FBXO21: variants seen among roughly 807,000 people sequenced by gnomAD.
FBXO21 encodes F-box only protein 21.
FBXO21 carries 32 observed loss-of-function variants against 76.6 expected under a neutral mutation model. The observed-to-expected ratio is 0.42, with a 90% confidence interval of 0.32 to 0.56. The LOEUF (loss-of-function observed/expected upper bound fraction) is 0.56. FBXO21 is among the 20% of genes least tolerant of loss of function. The pLI, the probability that FBXO21 is intolerant of heterozygous loss-of-function variation, is 0.16. For missense variants in FBXO21, 586 were observed against 797.3 expected (o/e 0.73, Z 3.19); for synonymous variants, 328 against 311.5 (o/e 1.05, Z -0.56).
intron 8 of FBXO21, 94 bp downstream of exon 8, chr12:117,166,804 C>T: frequency 9.4e-7 from 1 of 1,058,678 alleles, no homozygotes; most frequent in South Asian, 1.5e-5. Context: ...CTGCAAAGAT[C>T]TCAACGAAAA....
chr12:117,155,820 T>C lies in FBXO21; in HGVS notation c.1646A>G (p.Glu549Gly). Residue 549 changes from glutamate (E) to glycine (G), a missense_variant, in exon 11 of 12, where the codon GAG becomes GGG. Physicochemically the swap from Glu to Gly is moderately conservative, Grantham distance 98 (BLOSUM62 -2). Coordinates refer to ENST00000622495, the MANE Select transcript of FBXO21 (RefSeq NM_015002.3). ...HHQPFYNVLV[E>G]DGSCRYAAQE... ...GGCTGCGTATCGACAGGAGCCGTCC[T>C]CCACCAGCACGTTATAGAAAGGCTG... is the stretch of plus-strand genomic sequence containing the variant. 7 of 1,614,042 alleles carry C rather than the reference T, an allele frequency of 4.3e-6. No homozygotes were observed. Among genetic ancestry groups the C allele is most frequent in the Non-Finnish European group, 5.9e-6 (7 of 1,179,934 alleles).
intron 9 of FBXO21, among the ~76,000 whole-genome samples, chr12:117,162,046 G>A (rs1031457356): frequency 6.6e-6 from 1 of 152,242 alleles, no homozygotes; most frequent in Non-Finnish European, 1.5e-5. Flanking sequence ...TGGGGAGTGA[G>A]TGGGAGGCAG....
chr12:117,152,500 T>C (rs577228545), intron 11 of FBXO21, among the ~76,000 whole-genome samples: 2 of 149,960 alleles, frequency 1.3e-5, no homozygotes, highest in East Asian at 3.9e-4. Flanking sequence ...CCAGTCTGGA[T>C]TCTTCAAAAA....
At chr12:117,190,171 G>A (rs555763280) in intron 1 of FBXO21, 47 bp downstream of exon 1, 3 of 1,098,490 alleles carry the variant, frequency 2.7e-6, no homozygotes, top group Non-Finnish European at 3.4e-6. Context: ...GCCCCGGGGG[G>A]CGCGGGGCGG....
At chr12:117,173,250 C>T (rs569444294) in intron 6 of FBXO21, among the ~76,000 whole-genome samples, 41 of 152,098 alleles carry the variant, frequency 2.7e-4, no homozygotes, top group Non-Finnish European at 5.3e-4. Flanking sequence ...AGGCTGGTCT[C>T]GAACTCCTGA....
rs1355632212 is a variant in FBXO21, at chr12:117,143,755, A to G, written c.*2332T>C. 3 of 152,608 alleles carry G rather than the reference A, an allele frequency of 2.0e-5. No individual in the cohort carries two copies. Among genetic ancestry groups the G allele is most frequent in the African/African-American group, 7.2e-5 (3 of 41,444 alleles). 9.5% of individuals were successfully genotyped at this position (152,608 alleles called of 1,614,324 possible). On this transcript the variant is annotated 3_prime_UTR_variant, in exon 12 of 12. Coordinates refer to ENST00000622495, the MANE Select transcript of FBXO21 (RefSeq NM_015002.3). ...GTCATGGCTGGGCTTTCTGTCCTCA[A>G]ACGAAATTGGGCAGGCCATTTGCGT...
chr12:117,144,633 A>C lies in FBXO21; in HGVS notation c.*1454T>G, dbSNP rs1955748200. 6.6e-6 allele frequency: 1 copy of C among 152,206 alleles called. No individual in the cohort carries two copies. The highest frequency in any genetic ancestry group is 1.5e-5 in the Non-Finnish European group (1 of 68,044). 9.4% of individuals were successfully genotyped at this position (152,206 alleles called of 1,614,324 possible). The stretch of plus-strand genomic sequence containing the variant: ...AGGCCCCTAACGCCCCATTCACTAG[A>C]GCAACTGCATTATTTTAAATGTTGA... On this transcript the variant is annotated 3_prime_UTR_variant, in exon 12 of 12. Coordinates refer to ENST00000622495, the MANE Select transcript of FBXO21 (RefSeq NM_015002.3).
At chr12:117,153,975 T>G (rs1167884803) in intron 11 of FBXO21, among the ~76,000 whole-genome samples, 1 of 152,192 alleles carries the variant, frequency 6.6e-6, no homozygotes, top group Non-Finnish European at 1.5e-5. Flanking sequence ...AACCAAATAC[T>G]TAAGACCAAC....
intron 3 of FBXO21, among the ~76,000 whole-genome samples, chr12:117,181,254 G>A (rs1041042243): frequency 8.6e-5 from 13 of 151,888 alleles, no homozygotes; most frequent in African/African-American, 2.9e-4. Context: ...TGCAGTCTTT[G>A]TATCTGGAAG....
At chr12:117,174,379 A>C in intron 5 of FBXO21, 38 bp from the exon 6 acceptor site, 1 of 1,611,292 alleles carries the variant, frequency 6.2e-7, no homozygotes, top group Non-Finnish European at 8.5e-7. Context: ...CCAAGCACAA[A>C]AAAGGTTGTG....
Position 117,190,312 on chromosome 12 carries a change from C to T in FBXO21, c.145G>A (p.Ala49Thr). The change falls in exon 1 of 12, where the codon GCC becomes ACC. Residue 49 changes from alanine to threonine, a missense_variant. Ala to Thr is a moderately conservative substitution (Grantham distance 58, BLOSUM62 0). This residue lies in a region of FBXO21 where 152 missense variants were observed against 127.2 expected (regional missense o/e 1.19). Coordinates refer to ENST00000622495, the MANE Select transcript of FBXO21 (RefSeq NM_015002.3). ...CTGGAGACACGGCCGATGTCGGCGG[C>T]CGTCAGCGAGCCGCAGCACAGGATG... ...EYILCCGSLT[A>T]ADIGRVSSTC... The T allele has an allele frequency of 1.2e-5, 18 of 1,531,092 alleles. No homozygotes were observed. The highest frequency in any genetic ancestry group is 1.5e-5 in the Non-Finnish European group (17 of 1,150,072). 94.8% of individuals were successfully genotyped at this position (1,531,092 alleles called of 1,614,324 possible). A position where few individuals can be genotyped will look rare whatever the true frequency, so the allele number is the denominator to read the frequency against.
chr12:117,167,579 C>A (rs1322229021), intron 7 of FBXO21, among the ~76,000 whole-genome samples: 2 of 123,422 alleles, frequency 1.6e-5, no homozygotes, highest in Non-Finnish European at 3.7e-5. Flanking sequence ...GAAACCCGGT[C>A]TCTACAAAAA....
chr12:117,172,653 T>G lies in FBXO21; in HGVS notation c.877-46A>C, dbSNP rs75054040. ...TTATTTCACTGGGATGAACTATACG[T>G]TCTCATTCTTTCAATAAACATTCTC... On this transcript the variant is annotated intron_variant, in intron 6 of 11. Transcript: ENST00000622495. The G allele has an allele frequency of 4.7e-3, 7,414 of 1,577,872 alleles. 292 individuals carry two copies. The African/African-American group carries it at 0.083, about 18-fold the overall frequency.
intron 7 of FBXO21, 148 bp downstream of exon 7, chr12:117,172,323 A>T: frequency 1.3e-6 from 1 of 771,320 alleles, no homozygotes; most frequent in Non-Finnish European, 2.1e-6. Context: ...ACACTGATAC[A>T]GCCAGGAAAC....
Position 117,173,860 on chromosome 12 carries a change from T to C in FBXO21, c.876+345A>G, listed in dbSNP as rs773470247. Among the ~76,000 whole-genome samples the C allele has an allele frequency of 1.3e-4, 20 of 152,006 alleles. No homozygotes were observed. The East Asian group carries it at 2.7e-3, about 21-fold the overall frequency. On this transcript the variant is annotated intron_variant, in intron 6 of 11. Coordinates refer to ENST00000622495, the MANE Select transcript of FBXO21 (RefSeq NM_015002.3). ...AGAGAGAAGCTTAAAAAAATACATA[T>C]AGGATGGGCACAGTGGCTCACACCT...
intron 10 of FBXO21, among the ~76,000 whole-genome samples, chr12:117,157,097 C>T (rs751708489): frequency 8.6e-5 from 13 of 151,352 alleles, no homozygotes; most frequent in Non-Finnish European, 1.8e-4. Flanking sequence ...GCATGAGAGT[C>T]GCTTGAACTG....
intron 4 of FBXO21, among the ~76,000 whole-genome samples, 193 bp downstream of exon 4, chr12:117,177,327 T>C (rs1399091903): frequency 1.3e-5 from 2 of 152,234 alleles, no homozygotes; most frequent in Non-Finnish European, 2.9e-5. Context: ...TTTGATAAAA[T>C]CTTAGCTCTA....
At chr12:117,164,099 A>T (rs1266021331) in intron 9 of FBXO21, among the ~76,000 whole-genome samples, 1 of 33,744 alleles carries the variant, frequency 3.0e-5, no homozygotes, top group South Asian at 9.0e-4. Flanking sequence ...GTTTCTATTT[A>T]AAAAAAAAAA....
chr12:117,164,893 G>A (rs185897583), intron 9 of FBXO21, among the ~76,000 whole-genome samples: 7 of 152,234 alleles, frequency 4.6e-5, no homozygotes, highest in Admixed American at 1.3e-4. Context: ...TATACACAAC[G>A]GGCCTCTCCA....
Sources: gnomAD v4.1 joint callset for allele counts (sites outside exome capture counted in the v4.1 genomes callset) on GRCh38, gnomAD v4.1.1 for gene constraint, gnomAD v4.1.1 regional missense constraint, MANE v1.5 for transcripts, NCBI Gene and HGNC (gene_info 2026-07-23, HGNC 2026-07-21) for gene names.